Variants in GNL2 observed in about 807,000 individuals in gnomAD.
GNL2 encodes nucleolar GTP-binding protein 2.
In GNL2, 51 loss-of-function variants were observed where a neutral mutation model predicts 92.3. The ratio of observed to expected loss-of-function variants is 0.55; its 90% CI spans 0.44 to 0.70. The LOEUF is 0.70. Ranked by LOEUF, GNL2 falls within the 30% of genes least tolerant of loss-of-function variation. The pLI, the probability that GNL2 is intolerant of heterozygous loss-of-function variation, is 0.00. For missense variants in GNL2, 844 were observed against 895.6 expected (o/e 0.94, Z 0.74); for synonymous variants, 283 against 300.6 (o/e 0.94, Z 0.61).
chr1:37,582,867 G>T lies in GNL2; in HGVS notation c.706C>A (p.His236Asn). The T allele has an allele frequency of 6.2e-7, 1 of 1,610,512 alleles. No individual in the cohort carries two copies. Residue 236 changes from histidine to asparagine, a missense_variant, in exon 7 of 16, where the codon CAC becomes AAC. Coordinates refer to ENST00000373062, the MANE Select transcript of GNL2 (RefSeq NM_013285.3). Reference sequence around the variant, plus strand: ...TCCTTCTTCAGGTAAGTTTCAATGTGAGGGGAACGAGTACCCATTGGATCT... The same window carrying T: ...TCCTTCTTCAGGTAAGTTTCAATGTTAGGGGAACGAGTACCCATTGGATCT... ...ARDPMGTRSP[H>N]IETYLKKEKP...
At chr1:37,593,945 G>T in intron 1 of GNL2, 99 bp from the exon 2 acceptor site, 1 of 798,902 alleles carries the variant, frequency 1.3e-6, no homozygotes, top group South Asian at 1.8e-5. Flanking sequence ...CCCAAATTAG[G>T]TAAGAAGCCA....
At chr1:37,567,484 A>C (rs1643524081) in intron 15 of GNL2, among the ~76,000 whole-genome samples, 189 bp downstream of exon 15, 1 of 151,696 alleles carries the variant, frequency 6.6e-6, no homozygotes, top group Non-Finnish European at 1.5e-5. Context: ...GAAACTCCTA[A>C]AACGTATGAC....
In GNL2 at chr1:37,590,836, CGT is replaced by C. The variant is rs764999837; in HGVS notation, c.252_253del (p.Arg85CysfsTer3). The C allele has an allele frequency of 2.9e-5, 45 of 1,571,262 alleles. No individual in the cohort carries two copies. Among genetic ancestry groups the C allele is most frequent in the Middle Eastern group, 1.7e-4 (1 of 5,894 alleles). On this transcript the variant is annotated frameshift_variant, in exon 4 of 16. Transcript: ENST00000373062. LOFTEE classifies it high-confidence loss of function. ...TTGTAATGATGACTGCTTAATCACA[CGT>C]GTGTTTCCTGTTTTACAAATAAAGA... is the stretch of plus-strand genomic sequence containing the variant.
Position 37,590,608 on chromosome 1 carries a change from C to A in GNL2, c.384+98G>T. ...GTTCATCATTGCTACATTAAAGTCACTATTTTCTAAGGAAAAACAAAAGAC... is the reference window on the plus strand; with the variant it reads ...GTTCATCATTGCTACATTAAAGTCAATATTTTCTAAGGAAAAACAAAAGAC... On this transcript the variant is annotated intron_variant, in intron 4 of 15. Coordinates refer to ENST00000373062, the MANE Select transcript of GNL2 (RefSeq NM_013285.3). 1.5e-5 allele frequency: 15 copies of A among 1,005,536 alleles called. No individual in the cohort carries two copies. The South Asian group carries it at 2.1e-4, about 14-fold the overall frequency. The allele number at this position is 1,005,536 out of a possible 1,614,324, so 62.3% of individuals were successfully genotyped here. A position where few individuals can be genotyped will look rare whatever the true frequency, so the allele number is the denominator to read the frequency against.
At chr1:37,584,461 T>TA (rs377282004) in intron 5 of GNL2, among the ~76,000 whole-genome samples, 51,746 of 114,598 alleles carry the variant, frequency 0.45, 10,648 homozygotes, top group East Asian at 0.66. Flanking sequence ...AATAATTAAT[T>TA]AAAAAAAAAA....
At position 37,582,832 on chromosome 1, in the gene GNL2, C is replaced by A. The variant is rs768744815; in HGVS notation, c.741G>T (p.Trp247Cys). ...TGTTAAGTACAAAAATGAGGTGTTT[C>A]CAAGGTTTTTCCTTCTTCAGGTAAG... Reference protein sequence around the residue: ...IETYLKKEKPWKHLIFVLNKC... With the variant: ...IETYLKKEKPCKHLIFVLNKC... Residue 247 changes from tryptophan (W) to cysteine (C), a missense_variant, in exon 7 of 16, where the codon TGG becomes TGT. Trp to Cys is a radical substitution (Grantham distance 215). Transcript: ENST00000373062. 1 of 1,613,842 alleles carries A rather than the reference C, an allele frequency of 6.2e-7. No homozygotes were observed. The highest frequency in any genetic ancestry group is 8.5e-7 in the Non-Finnish European group (1 of 1,179,800).
At position 37,575,679 on chromosome 1, in the gene GNL2, C is replaced by CA; in HGVS notation, c.1058dup (p.Leu353PhefsTer9). On this transcript the variant is annotated frameshift_variant, in exon 10 of 16. Transcript: ENST00000373062. LOFTEE classifies it high-confidence loss of function. This position sits in a 1 kb window ranked among gnomAD's most constrained non-coding sequence, Gnocchi z 4.1. ...AGTCAATCAGGAATATCCGACGCAT[C>CA]AAAGTAATATACTGCCAGACCTGAA... 1 of 1,602,514 alleles carries CA rather than the reference C, an allele frequency of 6.2e-7. No individual in the cohort carries two copies.
chr1:37,584,772 T>C (rs1177318415), intron 5 of GNL2, among the ~76,000 whole-genome samples: 1 of 152,022 alleles, frequency 6.6e-6, no homozygotes, highest in Non-Finnish European at 1.5e-5. Flanking sequence ...TTAGTATCAC[T>C]AAACTGTACA....
chr1:37,592,796 C>G lies in GNL2; in HGVS notation c.160G>C (p.Gly54Arg), dbSNP rs771136303. The G allele has an allele frequency of 5.0e-6, 8 of 1,591,784 alleles. No individual in the cohort carries two copies. Among genetic ancestry groups the G allele is most frequent in the African/African-American group, 1.3e-5 (1 of 74,456 alleles). ...YRQKERRNSRGKIIKPLQYQS... is the reference protein window; with the variant it reads ...YRQKERRNSRRKIIKPLQYQS... ...TATTGCAGGGGTTTAATTATTTTAC[C>G]ACGACTGTTCCTAAATTGAGGAAAG... The change falls in exon 3 of 16, where the codon GGT becomes CGT. Residue 54 changes from glycine to arginine, a missense_variant. Gly to Arg is a moderately radical substitution (Grantham distance 125, BLOSUM62 -2). Transcript: ENST00000373062.
Position 37,593,865 on chromosome 1 carries a change from C to T in GNL2, c.65-19G>A. 6.3e-7 allele frequency: 1 copy of T among 1,576,740 alleles called. No individual in the cohort carries two copies. Among genetic ancestry groups the T allele is most frequent in the Non-Finnish European group, 8.7e-7 (1 of 1,146,586 alleles). On this transcript the variant is annotated intron_variant, in intron 1 of 15. Coordinates refer to ENST00000373062, the MANE Select transcript of GNL2 (RefSeq NM_013285.3). ...ACTCGATCTACAAAAGGCAGAAGTA[C>T]ACAGTGCACTATTTGATAACCAACC...
intron 8 of GNL2, among the ~76,000 whole-genome samples, chr1:37,578,430 C>T (rs759855347): frequency 2.0e-5 from 3 of 147,122 alleles, no homozygotes; most frequent in Non-Finnish European, 1.5e-5. Flanking sequence ...TAGAGCAAGA[C>T]TCTGTCTCAA....
At chr1:37,592,654 T>C in intron 3 of GNL2, 58 bp downstream of exon 3, 1 of 951,596 alleles carries the variant, frequency 1.1e-6, no homozygotes, top group Non-Finnish European at 1.7e-6. Context: ...TTAAACATCC[T>C]AGCCGTTTCC....
At chr1:37,594,494 C>T (rs1374582968) in intron 1 of GNL2, among the ~76,000 whole-genome samples, 1 of 152,102 alleles carries the variant, frequency 6.6e-6, no homozygotes, top group Admixed American at 6.5e-5. Flanking sequence ...ACTAGCCTAG[C>T]TTCTCATTTT....
intron 1 of GNL2, 125 bp from the exon 2 acceptor site, chr1:37,593,971 TCTA>T: frequency 1.6e-6 from 1 of 636,630 alleles, no homozygotes; most frequent in East Asian, 2.8e-5. Context: ...CACAAAAATC[TCTA>T]CTTTCTCCAT....
chr1:37,593,164 C>T (rs1045991891), intron 2 of GNL2, among the ~76,000 whole-genome samples: 5 of 152,076 alleles, frequency 3.3e-5, no homozygotes, highest in Admixed American at 3.3e-4. Context: ...GGGTGATTTA[C>T]GCCGGAATTC....
At chr1:37,588,350 A>G (rs989760057) in intron 4 of GNL2, among the ~76,000 whole-genome samples, 1 of 152,028 alleles carries the variant, frequency 6.6e-6, no homozygotes, top group South Asian at 2.1e-4. Flanking sequence ...AGCTGTGAGG[A>G]TGATGCAGCA....
chr1:37,581,810 G>A (rs569659273), intron 8 of GNL2, among the ~76,000 whole-genome samples: 1 of 152,040 alleles, frequency 6.6e-6, no homozygotes, highest in African/African-American at 2.4e-5. Context: ...GACTACAGGC[G>A]TGTGCCACCA....
In GNL2 at chr1:37,569,015, C is replaced by T. The variant is rs775270148; in HGVS notation, c.1704G>A (p.Glu568=). Residue 568 remains glutamate (E), a synonymous_variant, in exon 13 of 16, where the codon GAG becomes GAA. Coordinates refer to ENST00000373062, the MANE Select transcript of GNL2 (RefSeq NM_013285.3). ...ELESFSDEEE[E]EQEQQRDDAE... is the part of the protein sequence containing the mutation. ...CATCATCTCTTTGTTGCTCCTGTTC[C>T]TCCTCCTCTTCATCAGAAAAGCTCT... 2 of 1,614,106 alleles carry T rather than the reference C, an allele frequency of 1.2e-6. No individual in the cohort carries two copies. Among genetic ancestry groups the T allele is most frequent in the South Asian group, 2.2e-5 (2 of 91,078 alleles).
Position 37,587,394 on chromosome 1 carries a change from A to C in GNL2, c.486T>G (p.Ser162=), listed in dbSNP as rs1156343916. The stretch of plus-strand genomic sequence containing the variant: ...TGGACATTTCAGCATTTTCGATAAG[A>C]GACTGCATATCACTTGCAAATAAGT... ...RPNLFASDMQ[S]LIENAEMSTE... The change falls in exon 5 of 16, where the codon TCT becomes TCG. Residue 162 remains serine (S), a synonymous_variant. Transcript: ENST00000373062. 4 of 1,613,526 alleles carry C rather than the reference A, an allele frequency of 2.5e-6. No individual in the cohort carries two copies. The highest frequency in any genetic ancestry group is 3.4e-6 in the Non-Finnish European group (4 of 1,179,438).
Sources: gnomAD v4.1 joint callset for allele counts (sites outside exome capture counted in the v4.1 genomes callset) on GRCh38, gnomAD v4.1.1 for gene constraint, Gnocchi (gnomAD v3.1) non-coding constraint, MANE v1.5 for transcripts, NCBI Gene and HGNC (gene_info 2026-07-23, HGNC 2026-07-21) for gene names.